The following LPAR6 variants were observed in gnomAD, a reference collection of about 807,000 sequenced individuals.
The protein encoded by LPAR6 is G-protein coupled purinergic receptor P2Y5.
In LPAR6, 17 loss-of-function variants were observed where a neutral mutation model predicts 22.0. That is an observed-to-expected ratio of 0.77 (90% CI 0.53 to 1.16). The LOEUF (loss-of-function observed/expected upper bound fraction) is 1.16. LPAR6 is among the 50% of genes most tolerant of loss of function. The probability of loss-of-function intolerance (pLI) is 0.00; values close to 1 mark genes in which losing one functional copy is unlikely to be tolerated. For missense variants in LPAR6, 384 were observed against 406.9 expected (o/e 0.94, Z 0.48); for synonymous variants, 136 against 139.8 (o/e 0.97, Z 0.19).
downstream of LPAR6, among the ~76,000 whole-genome samples, chr13:48,410,083 T>C (rs1331230248): frequency 6.6e-6 from 1 of 152,164 alleles, no homozygotes; most frequent in Non-Finnish European, 1.5e-5. Flanking sequence ...TGACGTACAA[T>C]AACATCTTGC....
At chr13:48,410,427 CA>C (rs1316116377), downstream of LPAR6, among the ~76,000 whole-genome samples, 3 of 152,128 alleles carry the variant, frequency 2.0e-5, no homozygotes, top group Non-Finnish European at 4.4e-5. Context: ...TGTGTAAGTA[CA>C]CACTGTGATG....
downstream of LPAR6, chr13:48,408,804 C>T (rs903984063): frequency 3.9e-5 from 6 of 152,110 alleles, no homozygotes; most frequent in Non-Finnish European, 7.4e-5. Context: ...TCTTTATGAA[C>T]ATAGTAATAA....
intron 2 of LPAR6, among the ~76,000 whole-genome samples, chr13:48,420,748 C>A (rs1382264318): frequency 6.6e-6 from 1 of 151,970 alleles, no homozygotes; most frequent in Non-Finnish European, 1.5e-5. Context: ...CAATAATAGA[C>A]AAACAGAGAG....
At position 48,411,786 on chromosome 13, in the gene LPAR6, T is replaced by G. The variant is rs112592020; in HGVS notation, c.638A>C (p.Lys213Thr). The G allele has an allele frequency of 5.0e-5, 81 of 1,612,134 alleles. No individual in the cohort carries two copies. Among genetic ancestry groups the G allele is most frequent in the Middle Eastern group, 1.7e-4 (1 of 6,058 alleles). The change falls in exon 1 of 1, where the codon AAA (lysine) becomes ACA (threonine). Residue 213 changes from lysine to threonine, a missense_variant. Transcript: ENST00000620633. ...TTTGCTTCTACTTAATGTAACAGGT[T>G]TGGTTAAAGTTTTTAGCACCATACT... ...CSSMVLKTLT[K>T]PVTLSRSKIN...
At chr13:48,406,390 C>A (rs1256688733), downstream of LPAR6, among the ~76,000 whole-genome samples, 1 of 152,038 alleles carries the variant, frequency 6.6e-6, no homozygotes, top group Non-Finnish European at 1.5e-5. Context: ...AAGAATTTCT[C>A]CCATTTTAAT....
At chr13:48,417,632 C>T (rs1948935764), upstream of LPAR6, among the ~76,000 whole-genome samples, 5 of 152,044 alleles carry the variant, frequency 3.3e-5, no homozygotes, top group Admixed American at 3.3e-4. Context: ...AAGCTAAAAA[C>T]CTTGAAAAAA....
chr13:48,432,476 G>A (rs1289572496), intron 1 of LPAR6, among the ~76,000 whole-genome samples: 5 of 149,942 alleles, frequency 3.3e-5, no homozygotes, highest in East Asian at 3.9e-4. Context: ...AATACTTCTC[G>A]GAGAGTAGCT....
intron 1 of LPAR6, among the ~76,000 whole-genome samples, chr13:48,400,109 T>A (rs1385242758): frequency 6.6e-6 from 1 of 152,130 alleles, no homozygotes; most frequent in African/African-American, 2.4e-5. Flanking sequence ...TAGGAAGTAG[T>A]GCTCATCACT....
chr13:48,444,375 G>A (rs1461629319), intron 1 of LPAR6, among the ~76,000 whole-genome samples: 1 of 152,054 alleles, frequency 6.6e-6, no homozygotes, highest in Non-Finnish European at 1.5e-5. Flanking sequence ...AAATTATCTG[G>A]GTGTGGTGGC....
chr13:48,419,738 C>A (rs1314374118), intron 2 of LPAR6, among the ~76,000 whole-genome samples: 1 of 152,156 alleles, frequency 6.6e-6, no homozygotes, highest in Non-Finnish European at 1.5e-5. Flanking sequence ...TACAAACTAC[C>A]ATCAGAGAAT....
At chr13:48,431,527 A>G (rs1170712005), upstream of LPAR6, among the ~76,000 whole-genome samples, 2 of 152,232 alleles carry the variant, frequency 1.3e-5, no homozygotes, top group African/African-American at 2.4e-5. Context: ...CTAAGCCACT[A>G]GTCATCTATT....
chr13:48,440,141 C>T (rs1181443918), intron 1 of LPAR6, among the ~76,000 whole-genome samples: 1 of 152,032 alleles, frequency 6.6e-6, no homozygotes, highest in Non-Finnish European at 1.5e-5. Flanking sequence ...AAAAGGGAAA[C>T]CTGGCATGCA....
chr13:48,400,914 T>A (rs1948686264), intron 1 of LPAR6, among the ~76,000 whole-genome samples: 1 of 152,124 alleles, frequency 6.6e-6, no homozygotes, highest in Admixed American at 6.6e-5. Flanking sequence ...TTACTATAAG[T>A]ACAGAGAATT....
chr13:48,438,210 T>C (rs1299947657), intron 1 of LPAR6, among the ~76,000 whole-genome samples: 1 of 152,218 alleles, frequency 6.6e-6, no homozygotes, highest in Non-Finnish European at 1.5e-5. Context: ...CAAAGGCTTG[T>C]GTGCCAGGTG....
At chr13:48,421,508 T>C (rs992512272) in intron 2 of LPAR6, among the ~76,000 whole-genome samples, 2 of 152,066 alleles carry the variant, frequency 1.3e-5, no homozygotes, top group African/African-American at 4.8e-5. Flanking sequence ...AAAGCCAAAA[T>C]TGACAAATGG....
At chr13:48,403,381 C>T (rs1948710804) in intron 1 of LPAR6, among the ~76,000 whole-genome samples, 1 of 152,104 alleles carries the variant, frequency 6.6e-6, no homozygotes, top group Non-Finnish European at 1.5e-5. Context: ...CCCAGCAGTA[C>T]TCAGACTGTG....
intron 1 of LPAR6, among the ~76,000 whole-genome samples, chr13:48,434,020 G>A (rs940543811): frequency 1.3e-5 from 2 of 151,486 alleles, no homozygotes; most frequent in Non-Finnish European, 2.9e-5. Context: ...CACTGTGCCT[G>A]GCCTCAATAT....
upstream of LPAR6, among the ~76,000 whole-genome samples, chr13:48,429,003 A>G (rs1275169126): frequency 6.6e-6 from 1 of 152,176 alleles, no homozygotes; most frequent in African/African-American, 2.4e-5. Context: ...GTGGCTATAA[A>G]GCTATTCTCT....
At chr13:48,442,106 A>G in intron 1 of LPAR6, among the ~76,000 whole-genome samples, 1 of 152,168 alleles carries the variant, frequency 6.6e-6, no homozygotes, top group Non-Finnish European at 1.5e-5. Context: ...ATATTCAGAC[A>G]TGCTAGCTTC....
Sources: gnomAD v4.1 joint callset for allele counts (sites outside exome capture counted in the v4.1 genomes callset) on GRCh38, gnomAD v4.1.1 for gene constraint, MANE v1.5 for transcripts, NCBI Gene and HGNC (gene_info 2026-07-23, HGNC 2026-07-21) for gene names.